MOB2: variants seen among roughly 807,000 people sequenced by gnomAD.
The protein encoded by MOB2 is MOB2 Mps One Binder homolog.
In MOB2, 14 loss-of-function variants were observed where a neutral mutation model predicts 27.4. That is an observed-to-expected ratio of 0.51 (90% CI 0.34 to 0.80). The LOEUF (loss-of-function observed/expected upper bound fraction) is 0.80, where lower values mean the gene tolerates loss of function less well. Among genes scored for constraint, MOB2 ranks in the 30% least tolerant of loss-of-function variants. The pLI is 0.01. For missense variants in MOB2, 304 were observed against 354.6 expected, an observed-to-expected ratio of 0.86 and a Z score of 1.15; for synonymous variants, 167 against 151.8, an observed-to-expected ratio of 1.10 and a Z score of -0.74.
Position 1,486,540 on chromosome 11 carries a change from C to T in MOB2, c.17G>A (p.Cys6Tyr). Residue 6 changes from cysteine (C) to tyrosine (Y), a missense_variant, in exon 1 of 5, where the codon TGC becomes TAC. Cys to Tyr is a radical substitution (Grantham distance 194). Transcript: ENST00000329957. The stretch of plus-strand genomic sequence containing the variant: ...CCGGGCTTGGTCTTCAGGGAGACTG[C>T]AGTGGTCTCCCAGCATGAGTGGGCG... The part of the protein sequence containing the change: MLGDH[C>Y]SLPEDQARPG... 2 of 1,535,586 alleles carry T rather than the reference C, an allele frequency of 1.3e-6. No homozygotes were observed. Among genetic ancestry groups the T allele is most frequent in the Admixed American group, 2.0e-5 (1 of 51,004 alleles).
chr11:1,470,255 C>A lies in MOB2; in HGVS notation c.724G>T (p.Ala242Ser), dbSNP rs372740735. 1 of 1,612,436 alleles carries A rather than the reference C, an allele frequency of 6.2e-7. No individual in the cohort carries two copies. The highest frequency in any genetic ancestry group is 8.5e-7 in the Non-Finnish European group (1 of 1,179,784). The change falls in exon 5 of 5, where the codon GCC becomes TCC. Residue 242 changes from alanine (A) to serine (S), a missense_variant. Ala to Ser is a moderately conservative substitution (Grantham distance 99, BLOSUM62 1). Coordinates refer to ENST00000329957, the MANE Select transcript of MOB2 (RefSeq NM_001172223.3). Reference protein sequence around the residue: ...DDLTEVLCSGAGGVHSGGSGD... With the variant: ...DDLTEVLCSGSGGVHSGGSGD... ...CTGCCCCCACTGTGGACCCCGCCGG[C>A]CCCGCTGCATAGCACCTCGGTGAGG... is the stretch of plus-strand genomic sequence containing the variant.
At chr11:1,481,991 T>G (rs1328965867) in intron 1 of MOB2, among the ~76,000 whole-genome samples, 1 of 152,184 alleles carries the variant, frequency 6.6e-6, no homozygotes, top group Non-Finnish European at 1.5e-5. Context: ...CACACCAGCC[T>G]GTGCCAGGCC....
At chr11:1,474,421 G>C (rs1847830892) in intron 3 of MOB2, among the ~76,000 whole-genome samples, 1 of 152,168 alleles carries the variant, frequency 6.6e-6, no homozygotes, top group African/African-American at 2.4e-5. Context: ...TTGCTGCCTA[G>C]TGTCAGGTCA....
intron 3 of MOB2, among the ~76,000 whole-genome samples, chr11:1,475,417 T>C (rs562199222): frequency 1.3e-5 from 2 of 152,168 alleles, no homozygotes; most frequent in Non-Finnish European, 2.9e-5. Context: ...CACCAAACCC[T>C]ATATATGCTG....
In MOB2 at chr11:1,469,880, G is replaced by GGAAAACCCCACAGAA; in HGVS notation, c.*277_*291dup. 1.4e-6 allele frequency: 1 copy of GGAAAACCCCACAGAA among 708,266 alleles called. No individual in the cohort carries two copies. Among genetic ancestry groups the GGAAAACCCCACAGAA allele is most frequent in the Non-Finnish European group, 2.5e-6 (1 of 402,826 alleles). 43.9% of individuals were successfully genotyped at this position (708,266 alleles called of 1,614,324 possible). On this transcript the variant is annotated 3_prime_UTR_variant, in exon 5 of 5. Transcript: ENST00000329957. The stretch of plus-strand genomic sequence containing the variant: ...AGGGGCTGCACGGAGACCAGAGAAA[G>GGAAAACCCCACAGAA]GAAAACCCCACAGAAGAAAACTCAA...
At position 1,486,591 on chromosome 11, in the gene MOB2, G is replaced by A; in HGVS notation, c.-35C>T. 1.4e-6 allele frequency: 2 copies of A among 1,460,776 alleles called. No homozygotes were observed. The highest frequency in any genetic ancestry group is 1.9e-6 in the Non-Finnish European group (2 of 1,079,576). 90.5% of individuals were successfully genotyped at this position (1,460,776 alleles called of 1,614,324 possible). A position where few individuals can be genotyped will look rare whatever the true frequency, so the allele number is the denominator to read the frequency against. ...ACGGGAAGGTGGGGAGGAGAAGCGG[G>A]GCGGGGTGCCGGCTGGCCAGCACTC... On this transcript the variant is annotated 5_prime_UTR_variant, in exon 1 of 5. Coordinates refer to ENST00000329957, the MANE Select transcript of MOB2 (RefSeq NM_001172223.3).
rs1227819338 is a variant in MOB2 at position 1,469,634 on chromosome 11, G to C, written c.*538C>G. The C allele has an allele frequency of 2.2e-6, 1 of 457,024 alleles. No homozygotes were observed. The highest frequency in any genetic ancestry group is 4.4e-6 in the Non-Finnish European group (1 of 227,218). The allele number at this position is 457,024 out of a possible 1,614,324, so 28.3% of individuals were successfully genotyped here. ...GAGGCAGCAGGAAGGGGTGACAGGA[G>C]CAGGAGCAGGTGCAGGGCACCTCAC... On this transcript the variant is annotated 3_prime_UTR_variant, in exon 5 of 5. Coordinates refer to ENST00000329957, the MANE Select transcript of MOB2 (RefSeq NM_001172223.3).
chr11:1,471,451 G>GCCC (rs750396205), intron 3 of MOB2, 32 bp from the exon 4 acceptor site: 1 of 1,587,040 alleles, frequency 6.3e-7, no homozygotes, highest in African/African-American at 1.3e-5. Flanking sequence ...CAGGGCATGC[G>GCCC]CCCGCTGCAC....
Position 1,485,707 on chromosome 11 carries a change from G to T in MOB2, c.110+740C>A, listed in dbSNP as rs561744861. 2.6e-5 allele frequency among the ~76,000 whole-genome samples: 4 copies of T among 151,868 alleles called. No individual in the cohort carries two copies. In the South Asian group the frequency reaches 8.3e-4, roughly 32 times the overall value. On this transcript the variant is annotated intron_variant, in intron 1 of 4. Coordinates refer to ENST00000329957, the MANE Select transcript of MOB2 (RefSeq NM_001172223.3). ...CTGGCTGTGCCTGCCCCACTCCCCC[G>T]GCCCCTCATGCCCACACACGGGTGC...
Position 1,483,134 on chromosome 11 carries a change from C to T in MOB2, c.111-2249G>A, listed in dbSNP as rs191347999. ...CACAGGCTCTGAAACAGGCTCTGTGCCGTCCAGGCCCAGAGGTCTGCCCAG... is the reference window on the plus strand; with the variant it reads ...CACAGGCTCTGAAACAGGCTCTGTGTCGTCCAGGCCCAGAGGTCTGCCCAG... On this transcript the variant is annotated intron_variant, in intron 1 of 4. Coordinates refer to ENST00000329957, the MANE Select transcript of MOB2 (RefSeq NM_001172223.3). 2.0e-4 allele frequency among the ~76,000 whole-genome samples: 30 copies of T among 152,360 alleles called. 1 individual carries two copies. The East Asian group carries it at 5.8e-3, about 29-fold the overall frequency.
At chr11:1,480,949 G>C in intron 1 of MOB2, 64 bp from the exon 2 acceptor site, 1 of 1,530,104 alleles carries the variant, frequency 6.5e-7, no homozygotes, top group Non-Finnish European at 8.8e-7. Context: ...CTGCCCGGGG[G>C]GTCAGTTGTG....
intron 3 of MOB2, among the ~76,000 whole-genome samples, chr11:1,476,045 C>A (rs1847849345): frequency 6.6e-6 from 1 of 152,240 alleles, no homozygotes; most frequent in Non-Finnish European, 1.5e-5. Context: ...GGCAGTGGAT[C>A]CACACGGGGG....
chr11:1,471,733 A>G (rs1847793573), intron 3 of MOB2: 1 of 289,432 alleles, frequency 3.5e-6, no homozygotes, highest in South Asian at 8.6e-5. Context: ...CCGCTTCTAC[A>G]TGGCTTCAGT....
Position 1,469,611 on chromosome 11 carries a change from G to A in MOB2, c.*561C>T. On this transcript the variant is annotated 3_prime_UTR_variant, in exon 5 of 5. Coordinates refer to ENST00000329957, the MANE Select transcript of MOB2 (RefSeq NM_001172223.3). ...ATGGGTGTTCCTTGGGCATGGAGGAGGCAGCAGGAAGGGGTGACAGGAGCA... is the reference window on the plus strand; with the variant it reads ...ATGGGTGTTCCTTGGGCATGGAGGAAGCAGCAGGAAGGGGTGACAGGAGCA... 1 of 456,988 alleles carries A rather than the reference G, an allele frequency of 2.2e-6. No individual in the cohort carries two copies. Among genetic ancestry groups the A allele is most frequent in the Non-Finnish European group, 4.4e-6 (1 of 227,166 alleles). 28.3% of individuals were successfully genotyped at this position (456,988 alleles called of 1,614,324 possible).
chr11:1,477,481 G>C (rs777878077), intron 3 of MOB2, among the ~76,000 whole-genome samples: 1 of 152,166 alleles, frequency 6.6e-6, no homozygotes, highest in Non-Finnish European at 1.5e-5. Flanking sequence ...CTTAACCCCA[G>C]ACGCAAGGGT....
chr11:1,486,511 C>G lies in MOB2; in HGVS notation c.46G>C (p.Gly16Arg), dbSNP rs536485306. ...CSLPEDQARP[G>R]QSLQSGLCCK... ...CAGAGTCCACTTTGCAGGGACTGGC[C>G]GGGCCGGGCTTGGTCTTCAGGGAGA... The change falls in exon 1 of 5, where the codon GGC becomes CGC. Residue 16 changes from glycine (G) to arginine (R), a missense_variant. Transcript: ENST00000329957. 2 of 1,534,452 alleles carry G rather than the reference C, an allele frequency of 1.3e-6. No individual in the cohort carries two copies. The highest frequency in any genetic ancestry group is 1.7e-6 in the Non-Finnish European group (2 of 1,145,692).
intron 3 of MOB2, among the ~76,000 whole-genome samples, chr11:1,478,878 T>C (rs1847881028): frequency 6.6e-6 from 1 of 152,190 alleles, no homozygotes; most frequent in African/African-American, 2.4e-5. Flanking sequence ...GCAGACTTGC[T>C]GGTCTTTTGG....
At chr11:1,480,628 G>A in intron 2 of MOB2, 97 bp downstream of exon 2, 2 of 1,521,990 alleles carry the variant, frequency 1.3e-6, no homozygotes, top group South Asian at 1.2e-5. Context: ...TCGCGGCAGG[G>A]GGCTGCTGAG....
intron 3 of MOB2, chr11:1,472,274 C>T (rs970884557): frequency 6.6e-6 from 1 of 152,182 alleles, no homozygotes; most frequent in African/African-American, 2.4e-5. Flanking sequence ...CGGCCGCCCC[C>T]GCAGGCCTGA....
Sources: allele counts gnomAD v4.1 joint callset (sites outside exome capture counted in the v4.1 genomes callset), GRCh38; gene constraint gnomAD v4.1.1; transcripts MANE v1.5; gene names NCBI Gene and HGNC (gene_info 2026-07-23, HGNC 2026-07-21).